The following CDKAL1 variants were observed in gnomAD, a reference collection of about 807,000 sequenced individuals.
CDKAL1 encodes threonylcarbamoyladenosine tRNA methylthiotransferase.
In CDKAL1, 32 loss-of-function variants were observed where a neutral mutation model predicts 68.2. The observed-to-expected ratio is 0.47, with a 90% confidence interval of 0.35 to 0.63. The LOEUF (loss-of-function observed/expected upper bound fraction) is 0.63. Ranked by LOEUF, CDKAL1 falls within the 30% of genes least tolerant of loss-of-function variation. CDKAL1 has a pLI of 0.00. For missense variants in CDKAL1, 606 were observed against 696.7 expected (o/e 0.87, Z 1.47); for synonymous variants, 234 against 244.3 (o/e 0.96, Z 0.39).
intron 4 of CDKAL1, among the ~76,000 whole-genome samples, chr6:20,557,402 A>G (rs1467731268): frequency 1.3e-5 from 2 of 152,168 alleles, no homozygotes; most frequent in Non-Finnish European, 2.9e-5. Context: ...TCTTAGCATT[A>G]TTCTAAGGCT....
intron 13 of CDKAL1, among the ~76,000 whole-genome samples, chr6:21,195,601 G>C (rs1582397134): frequency 6.6e-6 from 1 of 151,568 alleles, no homozygotes; most frequent in East Asian, 1.9e-4. Flanking sequence ...CCCTCAATCT[G>C]CCAGGCCCAA....
At chr6:20,862,658 T>C (rs548937358) in intron 9 of CDKAL1, among the ~76,000 whole-genome samples, 26 of 147,560 alleles carry the variant, frequency 1.8e-4, no homozygotes, top group East Asian at 5.8e-4. Context: ...TGTGTGTGTG[T>C]GTGTGCGCGC....
chr6:21,189,156 G>A (rs886487097), intron 13 of CDKAL1, among the ~76,000 whole-genome samples: 43 of 152,198 alleles, frequency 2.8e-4, no homozygotes, highest in African/African-American at 9.7e-4. Flanking sequence ...AAAAGCACAA[G>A]GAGATTCTTG....
At chr6:21,180,380 C>A (rs1777744213) in intron 13 of CDKAL1, among the ~76,000 whole-genome samples, 3 of 149,768 alleles carry the variant, frequency 2.0e-5, no homozygotes, top group Admixed American at 2.0e-4. Flanking sequence ...TTTCATACCA[C>A]ACTTGCCAGT....
At position 20,908,403 on chromosome 6, in the gene CDKAL1, T is replaced by C. The variant is rs145315921; in HGVS notation, c.743-47016T>C. Among the ~76,000 whole-genome samples the C allele has an allele frequency of 3.5e-3, 532 of 152,306 alleles. 1 individual carries two copies. Among genetic ancestry groups the C allele is most frequent in the African/African-American group, 0.012 (506 of 41,580 alleles). On this transcript the variant is annotated intron_variant, in intron 9 of 15. Transcript: ENST00000274695. Reference sequence around the variant, plus strand: ...TAAAAATGTCACATTTTGTTTAATATAGGAATTATAAATACAAATTTAATC... The same window carrying C: ...TAAAAATGTCACATTTTGTTTAATACAGGAATTATAAATACAAATTTAATC...
At chr6:20,881,862 C>T (rs539253369) in intron 9 of CDKAL1, among the ~76,000 whole-genome samples, 2 of 152,106 alleles carry the variant, frequency 1.3e-5, no homozygotes, top group Non-Finnish European at 2.9e-5. Flanking sequence ...GAAATTGTAA[C>T]CACTGCTGCA....
chr6:21,205,792 A>G lies in CDKAL1; in HGVS notation c.1548+4518A>G, dbSNP rs550565035. 2.0e-4 allele frequency among the ~76,000 whole-genome samples: 29 copies of G among 143,502 alleles called. 1 individual carries two copies. Among genetic ancestry groups the G allele is most frequent in the Non-Finnish European group, 3.1e-4 (21 of 66,844 alleles). The allele number at this position is 143,502 out of a possible 152,430, so 94.1% of individuals were successfully genotyped here. A position where few individuals can be genotyped will look rare whatever the true frequency, so the allele number is the denominator to read the frequency against. On this transcript the variant is annotated intron_variant, in intron 15 of 15. Transcript: ENST00000274695. ...GTGATCTGCCCGCCTTGGCCTCCCA[A>G]AGTGCTGGGATTACATGCGTGAGCC...
intron 10 of CDKAL1, among the ~76,000 whole-genome samples, chr6:20,963,241 T>C (rs1765142701): frequency 6.6e-6 from 1 of 152,074 alleles, no homozygotes. Flanking sequence ...TACCTAACAT[T>C]CTAACTCTTC....
chr6:20,980,077 A>G (rs1166625611), intron 10 of CDKAL1, among the ~76,000 whole-genome samples: 1 of 151,516 alleles, frequency 6.6e-6, no homozygotes, highest in Non-Finnish European at 1.5e-5. Flanking sequence ...GGCCAATTCA[A>G]TATATTTATA....
At chr6:21,025,430 A>G (rs1415280253) in intron 11 of CDKAL1, among the ~76,000 whole-genome samples, 3 of 152,116 alleles carry the variant, frequency 2.0e-5, no homozygotes, top group East Asian at 1.9e-4. Flanking sequence ...TTTGTATTAT[A>G]TACTTAATCA....
intron 15 of CDKAL1, among the ~76,000 whole-genome samples, chr6:21,230,641 T>C (rs112119425): frequency 6.6e-6 from 1 of 152,098 alleles, no homozygotes; most frequent in African/African-American, 2.4e-5. Context: ...TCTGGAGTCA[T>C]GAACTTGGCC....
At chr6:21,002,896 G>A (rs1452409297) in intron 11 of CDKAL1, among the ~76,000 whole-genome samples, 1 of 152,030 alleles carries the variant, frequency 6.6e-6, no homozygotes, top group Non-Finnish European at 1.5e-5. Flanking sequence ...GGCTGAGGTG[G>A]GAGAAACAAT....
intron 9 of CDKAL1, among the ~76,000 whole-genome samples, chr6:20,936,464 A>G (rs1185860439): frequency 1.3e-5 from 2 of 150,322 alleles, no homozygotes; most frequent in East Asian, 2.0e-4. Context: ...TTTAGCCGGG[A>G]TGGTCTCGAT....
intron 12 of CDKAL1, among the ~76,000 whole-genome samples, chr6:21,069,774 CTTTTTTTTTTTTTTTTT>C (rs60241965): frequency 1.4e-5 from 1 of 69,920 alleles, no homozygotes; most frequent in Admixed American, 2.2e-4. Flanking sequence ...GATTTTCTTT[CTTTTTTTTTTTTTTTTT>C]TTTTTTTTTT....
chr6:21,171,025 T>G (rs921288601), intron 13 of CDKAL1, among the ~76,000 whole-genome samples: 1 of 152,192 alleles, frequency 6.6e-6, no homozygotes, highest in African/African-American at 2.4e-5. Context: ...TATTTTTAAA[T>G]GGCTTTGATT....
chr6:20,704,342 A>AT (rs1771504330), intron 5 of CDKAL1, among the ~76,000 whole-genome samples: 1 of 152,154 alleles, frequency 6.6e-6, no homozygotes, highest in Non-Finnish European at 1.5e-5. Flanking sequence ...GAGGGGTGTA[A>AT]TTTTTTGTAG....
At chr6:20,611,044 A>G (rs1277597814) in intron 4 of CDKAL1, among the ~76,000 whole-genome samples, 1 of 152,166 alleles carries the variant, frequency 6.6e-6, no homozygotes, top group African/African-American at 2.4e-5. Flanking sequence ...TTCCTTTAGA[A>G]TTTATTCTAA....
chr6:20,836,252 A>G (rs943820002), intron 8 of CDKAL1, among the ~76,000 whole-genome samples: 3 of 152,222 alleles, frequency 2.0e-5, no homozygotes, highest in African/African-American at 7.2e-5. Context: ...TACAAAGGCT[A>G]TCTGATTTGC....
chr6:21,195,478 TTTA>T (rs1323130816), intron 13 of CDKAL1, among the ~76,000 whole-genome samples: 3 of 23,352 alleles, frequency 1.3e-4, no homozygotes, highest in African/African-American at 2.9e-4. Flanking sequence ...AGATGTTTTT[TTTA>T]TTTATTTATT....
Sources: gnomAD v4.1 joint callset for allele counts (sites outside exome capture counted in the v4.1 genomes callset) on GRCh38, gnomAD v4.1.1 for gene constraint, MANE v1.5 for transcripts, NCBI Gene and HGNC (gene_info 2026-07-23, HGNC 2026-07-21) for gene names.